The following SLC33A1 variants were observed in gnomAD, a reference collection of about 807,000 sequenced individuals.
The protein encoded by SLC33A1 is solute carrier family 33 member 1.
In SLC33A1, 20 loss-of-function variants were observed where a neutral mutation model predicts 50.0. The observed-to-expected ratio is 0.40, with a 90% CI of 0.28 to 0.58. The LOEUF (loss-of-function observed/expected upper bound fraction) is 0.58. Ranked by LOEUF, SLC33A1 falls within the 20% of genes least tolerant of loss-of-function variation. The pLI is 0.44. For synonymous variants in SLC33A1, 265 were observed against 251.8 expected (o/e 1.05, Z -0.50); for missense variants, 476 against 657.0 (o/e 0.72, Z 3.01).
chr3:155,847,951 C>T (rs1753244414), intron 1 of SLC33A1, among the ~76,000 whole-genome samples: 3 of 152,130 alleles, frequency 2.0e-5, no homozygotes, highest in Non-Finnish European at 4.4e-5. Context: ...TAGCTTCCTT[C>T]TCTGTCATTA....
chr3:155,829,149 G>A (rs924610560), intron 5 of SLC33A1, among the ~76,000 whole-genome samples: 1 of 151,986 alleles, frequency 6.6e-6, no homozygotes, highest in Admixed American at 6.6e-5. Flanking sequence ...CAATCCACCC[G>A]CCTTAGCCTC....
At chr3:155,850,871 C>G (rs1753370275) in intron 1 of SLC33A1, among the ~76,000 whole-genome samples, 1 of 151,794 alleles carries the variant, frequency 6.6e-6, no homozygotes, top group Non-Finnish European at 1.5e-5. Flanking sequence ...TCCACCTCAG[C>G]CTCCCAAAGT....
chr3:155,832,176 T>C (rs1752464527), intron 4 of SLC33A1, among the ~76,000 whole-genome samples: 1 of 151,328 alleles, frequency 6.6e-6, no homozygotes, highest in South Asian at 2.1e-4. Flanking sequence ...TTGGGAGTTC[T>C]AGACCAGCCT....
intron 5 of SLC33A1, among the ~76,000 whole-genome samples, chr3:155,829,193 C>T (rs551221316): frequency 1.3e-5 from 2 of 152,302 alleles, no homozygotes; most frequent in South Asian, 4.1e-4. Flanking sequence ...TGAGCCACTG[C>T]ACCTGGCCCG....
At chr3:155,843,612 T>C (rs1210058671) in intron 1 of SLC33A1, among the ~76,000 whole-genome samples, 2 of 152,170 alleles carry the variant, frequency 1.3e-5, no homozygotes, top group Non-Finnish European at 2.9e-5. Context: ...GTATCATTTA[T>C]TGAGTGCATA....
chr3:155,829,558 T>C (rs777989984), intron 5 of SLC33A1, 130 bp downstream of exon 5: 20 of 696,776 alleles, frequency 2.9e-5, no homozygotes, highest in Admixed American at 4.9e-5. Context: ...AAAATATATA[T>C]GTAGATTTCT....
At chr3:155,842,061 C>T (rs1011238585) in intron 2 of SLC33A1, among the ~76,000 whole-genome samples, 3 of 152,050 alleles carry the variant, frequency 2.0e-5, no homozygotes, top group Admixed American at 6.6e-5. Flanking sequence ...TATCTTTTTA[C>T]GTCACACTCT....
chr3:155,851,032 A>G (rs1753378506), intron 1 of SLC33A1, among the ~76,000 whole-genome samples: 2 of 151,912 alleles, frequency 1.3e-5, no homozygotes, highest in African/African-American at 4.8e-5. Context: ...TCACAAGATC[A>G]GGAGATCGAG....
Position 155,853,259 on chromosome 3 carries a change from A to G in SLC33A1, c.739T>C (p.Phe247Leu). ...SADFCNKYLR[F>L]QPQPRGIVTL... ...ACGATTCCTCTGGGTTGAGGCTGAA[A>G]CCGCAAATATTTGTTACAAAAGTCG... Residue 247 changes from phenylalanine to leucine, a missense_variant, in exon 1 of 6, where the codon TTT becomes CTT. Physicochemically the swap from Phe to Leu is conservative, Grantham distance 22 (BLOSUM62 0). Coordinates refer to ENST00000643144, the MANE Select transcript of SLC33A1 (RefSeq NM_004733.4). 1 of 1,614,042 alleles carries G rather than the reference A, an allele frequency of 6.2e-7. No individual in the cohort carries two copies. Among genetic ancestry groups the G allele is most frequent in the Admixed American group, 1.7e-5 (1 of 60,022 alleles).
chr3:155,848,135 ATT>A (rs146346493), intron 1 of SLC33A1, among the ~76,000 whole-genome samples: 2 of 152,054 alleles, frequency 1.3e-5, no homozygotes, highest in Admixed American at 6.6e-5. Flanking sequence ...GATGAGACAG[ATT>A]TTTTTAAAGA....
At chr3:155,847,464 G>A (rs931413686) in intron 1 of SLC33A1, among the ~76,000 whole-genome samples, 2 of 151,864 alleles carry the variant, frequency 1.3e-5, no homozygotes, top group African/African-American at 2.4e-5. Flanking sequence ...CATCAATGTC[G>A]CTGGGCACGG....
At chr3:155,853,091 C>T in intron 1 of SLC33A1, 132 bp downstream of exon 1, 3 of 789,496 alleles carry the variant, frequency 3.8e-6, no homozygotes, top group South Asian at 1.7e-5. Context: ...CTCATTTGGA[C>T]GAAACAGAAA....
chr3:155,832,935 T>C (rs1459465553), intron 4 of SLC33A1, among the ~76,000 whole-genome samples: 2 of 151,994 alleles, frequency 1.3e-5, no homozygotes, highest in East Asian at 3.9e-4. Context: ...AATAATTTTT[T>C]TTTTAATGAA....
chr3:155,840,407 G>T (rs1025061832), intron 2 of SLC33A1, among the ~76,000 whole-genome samples: 6 of 151,192 alleles, frequency 4.0e-5, no homozygotes, highest in Non-Finnish European at 8.8e-5. Flanking sequence ...TATCTTAAAT[G>T]AAAAATTATT....
At chr3:155,828,925 C>T (rs1050550840) in intron 5 of SLC33A1, among the ~76,000 whole-genome samples, 1 of 142,572 alleles carries the variant, frequency 7.0e-6, no homozygotes, top group Admixed American at 7.3e-5. Context: ...TTTTAAGAGA[C>T]GGAGTCTTGT....
intron 1 of SLC33A1, among the ~76,000 whole-genome samples, chr3:155,851,848 A>G (rs896432172): frequency 2.0e-5 from 3 of 152,224 alleles, no homozygotes; most frequent in Non-Finnish European, 1.5e-5. Flanking sequence ...CACCAGTAAT[A>G]GTGGCTCACT....
At chr3:155,842,869 T>C in intron 1 of SLC33A1, 1 of 250,570 alleles carries the variant, frequency 4.0e-6, no homozygotes, top group Non-Finnish European at 7.5e-6. Flanking sequence ...TTAGCCAGGC[T>C]TGGTGGTGCA....
intron 1 of SLC33A1, among the ~76,000 whole-genome samples, chr3:155,849,355 T>C (rs1753306918): frequency 6.6e-6 from 1 of 151,972 alleles, no homozygotes; most frequent in African/African-American, 2.4e-5. Flanking sequence ...TCCTGTGCTA[T>C]ATAACTTTTT....
intron 2 of SLC33A1, among the ~76,000 whole-genome samples, chr3:155,841,496 T>G (rs1387829286): frequency 2.6e-5 from 4 of 152,152 alleles, no homozygotes; most frequent in African/African-American, 4.8e-5. Context: ...CCTATAAGAT[T>G]GCAGATTTCA....
Sources: allele counts gnomAD v4.1 joint callset (sites outside exome capture counted in the v4.1 genomes callset), GRCh38; gene constraint gnomAD v4.1.1; transcripts MANE v1.5; gene names NCBI Gene and HGNC (gene_info 2026-07-23, HGNC 2026-07-21).